NRXN3: variants seen among roughly 807,000 people sequenced by gnomAD.
NRXN3 encodes neurexin III.
Under a neutral mutation model 137.6 loss-of-function variants are expected in NRXN3, and 32 were observed. That is an observed-to-expected ratio of 0.23 (90% CI 0.18 to 0.31). The LOEUF is 0.31. Ranked by LOEUF, NRXN3 falls within the 10% of genes least tolerant of loss-of-function variation. The pLI is 1.00. For synonymous variants in NRXN3, 798 were observed against 784.5 expected (o/e 1.02, Z -0.29); for missense variants, 1,574 against 2,062.5 (o/e 0.76, Z 4.59).
chr14:79,859,274 T>C (rs1163633677), intron 20 of NRXN3, among the ~76,000 whole-genome samples: 2 of 152,202 alleles, frequency 1.3e-5, no homozygotes, highest in Admixed American at 1.3e-4. Context: ...GAAACTCAGT[T>C]TCTTTCTGCA....
At chr14:78,696,674 C>T (rs773669329) in intron 6 of NRXN3, among the ~76,000 whole-genome samples, 1 of 152,014 alleles carries the variant, frequency 6.6e-6, no homozygotes, top group Non-Finnish European at 1.5e-5. Context: ...TTCCAGGTCA[C>T]CTTGGAAAGT....
intron 8 of NRXN3, among the ~76,000 whole-genome samples, chr14:78,743,220 A>T (rs564880972): frequency 4.6e-5 from 7 of 152,336 alleles, no homozygotes; most frequent in African/African-American, 7.2e-5. Flanking sequence ...AATATGTAAG[A>T]TACTACTTTA....
intron 6 of NRXN3, among the ~76,000 whole-genome samples, chr14:78,654,043 GTCT>G (rs2097767520): frequency 1.3e-5 from 2 of 152,228 alleles, no homozygotes. Context: ...GGACTCGGAA[GTCT>G]TCTTATTTGT....
intron 15 of NRXN3, among the ~76,000 whole-genome samples, chr14:79,089,284 G>A (rs370210549): frequency 6.6e-5 from 10 of 152,032 alleles, no homozygotes; most frequent in African/African-American, 9.7e-5. Context: ...TAAGTGAAAC[G>A]TAAGGAAAAA....
chr14:78,348,316 G>C (rs572050431), intron 4 of NRXN3, among the ~76,000 whole-genome samples: 35 of 152,282 alleles, frequency 2.3e-4, no homozygotes, highest in Admixed American at 5.9e-4. Context: ...GGGGACAAAA[G>C]CCTCCCCTAT....
In NRXN3 at chr14:78,173,036, C is replaced by T. The variant is rs138734513; in HGVS notation, c.-704+2362C>T. On this transcript the variant is annotated intron_variant, in intron 1 of 20. Coordinates refer to ENST00000335750, the MANE Select transcript of NRXN3 (RefSeq NM_001330195.2). ...GGACTGATGCTTGGGGTTTTGAGAT[C>T]GGCTACTGAGATTGGGTGGCGGTTG... Among the ~76,000 whole-genome samples, 633 of 152,022 alleles carry T rather than the reference C, an allele frequency of 4.2e-3. 3 individuals carry two copies. Among genetic ancestry groups the T allele is most frequent in the African/African-American group, 0.014 (588 of 41,458 alleles).
intron 19 of NRXN3, among the ~76,000 whole-genome samples, chr14:79,772,066 C>G (rs1359616885): frequency 2.7e-5 from 4 of 146,548 alleles, no homozygotes; most frequent in Non-Finnish European, 6.0e-5. Flanking sequence ...ATCCACCTTA[C>G]AAGGGATGTG....
At chr14:78,415,107 C>G (rs550824476) in intron 4 of NRXN3, among the ~76,000 whole-genome samples, 11 of 152,274 alleles carry the variant, frequency 7.2e-5, no homozygotes, top group African/African-American at 2.4e-4. Context: ...TGAGAAACAG[C>G]TCTAAGATTT....
chr14:79,831,867 C>G (rs1308185558), intron 20 of NRXN3, among the ~76,000 whole-genome samples: 1 of 152,060 alleles, frequency 6.6e-6, no homozygotes, highest in Non-Finnish European at 1.5e-5. Context: ...TACTTTGCTC[C>G]GAGTTTTTCA....
rs796323872 is a variant in NRXN3 at position 78,484,023 on chromosome 14, C to G, written c.758-161097C>G. 1.1e-3 allele frequency among the ~76,000 whole-genome samples: 114 copies of G among 104,260 alleles called. 1 individual carries two copies. The highest frequency in any genetic ancestry group is 6.0e-3 in the Middle Eastern group (1 of 166). 68.4% of individuals were successfully genotyped at this position (104,260 alleles called of 152,430 possible). A position where few individuals can be genotyped will look rare whatever the true frequency, so the allele number is the denominator to read the frequency against. On this transcript the variant is annotated intron_variant, in intron 4 of 20. Transcript: ENST00000335750. The stretch of plus-strand genomic sequence containing the variant: ...ACACACACACACACACACACACACA[C>G]ACACAGAGAGAGAGAGAGAGAGAGA...
chr14:79,435,034 T>C (rs191857476), intron 15 of NRXN3, among the ~76,000 whole-genome samples: 12 of 152,212 alleles, frequency 7.9e-5, no homozygotes, highest in Admixed American at 5.9e-4. Flanking sequence ...AAGGCTGAAT[T>C]CAGTAGCACA....
Position 79,593,439 on chromosome 14 carries a change from G to C in NRXN3, c.3445-70339G>C, listed in dbSNP as rs916692725. Among the ~76,000 whole-genome samples, 5 of 152,108 alleles carry C rather than the reference G, an allele frequency of 3.3e-5. No individual in the cohort carries two copies. The East Asian group carries it at 9.7e-4, about 30-fold the overall frequency. On this transcript the variant is annotated intron_variant, in intron 16 of 20. Transcript: ENST00000335750. Reference sequence around the variant, plus strand: ...AGGTCAGGAGATCGAGACCATCCTGGCTAACACGGTGAAGCCCTGTCTCTA... The same window carrying C: ...AGGTCAGGAGATCGAGACCATCCTGCCTAACACGGTGAAGCCCTGTCTCTA...
intron 1 of NRXN3, among the ~76,000 whole-genome samples, chr14:78,180,679 A>T (rs1384821991): frequency 1.3e-5 from 2 of 152,202 alleles, no homozygotes; most frequent in African/African-American, 4.8e-5. Context: ...GTCTCCCATG[A>T]CTTTTAGGAA....
At chr14:78,933,062 C>T (rs541443738) in intron 10 of NRXN3, among the ~76,000 whole-genome samples, 1 of 152,250 alleles carries the variant, frequency 6.6e-6, no homozygotes, top group South Asian at 2.1e-4. Context: ...GTCCATCCTT[C>T]ATGAGCTGAT....
intron 10 of NRXN3, among the ~76,000 whole-genome samples, chr14:78,934,649 T>G (rs1014309726): frequency 6.6e-6 from 1 of 152,168 alleles, no homozygotes; most frequent in Non-Finnish European, 1.5e-5. Flanking sequence ...GATGAGTTCA[T>G]GTCCTTTGTA....
chr14:79,858,402 G>A (rs1158241037), intron 20 of NRXN3, among the ~76,000 whole-genome samples: 5 of 152,054 alleles, frequency 3.3e-5, no homozygotes, highest in Non-Finnish European at 7.4e-5. Context: ...TCATGAAGAT[G>A]GTGATCTTAA....
In NRXN3 at chr14:78,714,826, A is replaced by G. The variant is rs760150230; in HGVS notation, c.1731A>G (p.Glu577=). ...ASGESEILDL[E]GDMYLGGLPE... ...GGGAGAGCGAGATCCTGGACCTGGA[A>G]GGAGACATGTACCTGGGAGGGCTGC... The change falls in exon 8 of 21, where the codon GAA becomes GAG. Residue 577 remains glutamate, a synonymous_variant. Coordinates refer to ENST00000335750, the MANE Select transcript of NRXN3 (RefSeq NM_001330195.2). The G allele has an allele frequency of 3.7e-6, 6 of 1,614,060 alleles. No homozygotes were observed. In the East Asian group the frequency reaches 1.3e-4, roughly 36 times the overall value.
chr14:79,622,683 G>A (rs1233059008), intron 16 of NRXN3, among the ~76,000 whole-genome samples: 3 of 152,074 alleles, frequency 2.0e-5, no homozygotes, highest in Non-Finnish European at 4.4e-5. Context: ...TGCAACCTCC[G>A]CCTCCCAGGT....
intron 4 of NRXN3, among the ~76,000 whole-genome samples, chr14:78,417,631 G>T (rs185455368): frequency 6.6e-6 from 1 of 152,324 alleles, no homozygotes; most frequent in African/African-American, 2.4e-5. Flanking sequence ...CTCAATAAAT[G>T]TTTGTGGTAT....
Sources: gnomAD v4.1 joint callset for allele counts (sites outside exome capture counted in the v4.1 genomes callset) on GRCh38, gnomAD v4.1.1 for gene constraint, MANE v1.5 for transcripts, NCBI Gene and HGNC (gene_info 2026-07-23, HGNC 2026-07-21) for gene names.